CLTCL1: variants seen among roughly 807,000 people sequenced by gnomAD.
The protein encoded by CLTCL1 is clathrin heavy chain like 1.
Under a neutral mutation model 190.0 loss-of-function variants are expected in CLTCL1, and 159 were observed. That is an observed-to-expected ratio of 0.84 (90% CI 0.74 to 0.95). CLTCL1 has a LOEUF of 0.95. Among genes scored for constraint, CLTCL1 ranks in the 40% least tolerant of loss-of-function variants. CLTCL1 has a pLI of 0.00. For synonymous variants in CLTCL1, 752 were observed against 769.6 expected (o/e 0.98, Z 0.38); for missense variants, 1,878 against 2,033.4 (o/e 0.92, Z 1.47).
At chr22:19,213,228 T>C (rs1328977259) in intron 19 of CLTCL1, among the ~76,000 whole-genome samples, 1 of 152,200 alleles carries the variant, frequency 6.6e-6, no homozygotes, top group Non-Finnish European at 1.5e-5. Context: ...AAGTTGTTCA[T>C]CATCATTAGC....
chr22:19,268,242 G>A (rs2087186900), intron 2 of CLTCL1, among the ~76,000 whole-genome samples: 1 of 152,188 alleles, frequency 6.6e-6, no homozygotes, highest in Non-Finnish European at 1.5e-5. Flanking sequence ...TGGAAGTGGA[G>A]TGTGAACCCT....
At chr22:19,241,879 A>C (rs1188936207) in intron 4 of CLTCL1, among the ~76,000 whole-genome samples, 3 of 151,348 alleles carry the variant, frequency 2.0e-5, no homozygotes, top group African/African-American at 7.3e-5. Context: ...AATGGCAAGG[A>C]TGGCACCACA....
chr22:19,198,588 A>G lies in CLTCL1; in HGVS notation c.3873+1146T>C, dbSNP rs1555937212. On this transcript the variant is annotated intron_variant, in intron 24 of 32. Transcript: ENST00000427926. This position sits in a 1 kb window ranked among gnomAD's most constrained non-coding sequence, Gnocchi z 4.1. ...ACTGACCCTTCCCTCAAATGTTCCC[A>G]TGACCAAATCCTTCCATTTCTTCAG... Among the ~76,000 whole-genome samples the G allele has an allele frequency of 6.6e-6, 1 of 152,112 alleles. No individual in the cohort carries two copies. Among genetic ancestry groups the G allele is most frequent in the East Asian group, 1.9e-4 (1 of 5,206 alleles).
chr22:19,185,353 G>T (rs568047136), intron 29 of CLTCL1, among the ~76,000 whole-genome samples: 1 of 147,700 alleles, frequency 6.8e-6, no homozygotes, highest in East Asian at 2.0e-4. Flanking sequence ...TTGAGACGGA[G>T]TCTCGCTCTG....
Position 19,196,288 on chromosome 22 carries a change from T to C in CLTCL1, c.4169A>G (p.Gln1390Arg). Residue 1390 changes from glutamine (Q) to arginine (R), a missense_variant, in exon 26 of 33, where the codon CAG becomes CGG. By Grantham distance (43) the Gln-to-Arg change is conservative (BLOSUM62 1). Coordinates refer to ENST00000427926, the MANE Select transcript of CLTCL1 (RefSeq NM_007098.4). ...TACCTTGGTAATGATGTCCTTGAAC[T>C]GACCCTCCTTCCAGGCCTCAGTGGG... is the stretch of plus-strand genomic sequence containing the variant. ...SHPTEAWKEG[Q>R]FKDIITKVAN... 1 of 1,613,718 alleles carries C rather than the reference T, an allele frequency of 6.2e-7. No homozygotes were observed. The highest frequency in any genetic ancestry group is 8.5e-7 in the Non-Finnish European group (1 of 1,179,854).
chr22:19,237,664 G>A (rs1328985522), intron 5 of CLTCL1, among the ~76,000 whole-genome samples: 2 of 152,184 alleles, frequency 1.3e-5, no homozygotes, highest in African/African-American at 4.8e-5. Flanking sequence ...TAAATGAGTT[G>A]TAGCAAATCC....
intron 13 of CLTCL1, 141 bp downstream of exon 13, chr22:19,225,312 C>T (rs1052154066): frequency 1.3e-5 from 10 of 793,470 alleles, no homozygotes; most frequent in South Asian, 4.0e-5. Context: ...ATTCTGCCAC[C>T]GACTGAGCAC....
At chr22:19,234,074 T>C (rs538950857) in intron 7 of CLTCL1, among the ~76,000 whole-genome samples, 1 of 152,246 alleles carries the variant, frequency 6.6e-6, no homozygotes, top group East Asian at 1.9e-4. Flanking sequence ...TTTATCCAAA[T>C]GAAATAAACC....
chr22:19,239,462 C>G, intron 4 of CLTCL1, 74 bp from the exon 5 acceptor site: 1 of 1,032,896 alleles, frequency 9.7e-7, no homozygotes, highest in Non-Finnish European at 1.5e-6. Flanking sequence ...GGCACAGAGG[C>G]AAGTGGAGCC....
rs782104259 is a variant in CLTCL1, at chr22:19,196,300, C to CAGG, written c.4154_4156dup (p.Ala1385_Trp1386insSer). 1.5e-5 allele frequency: 24 copies of CAGG among 1,613,782 alleles called. No homozygotes were observed. Among genetic ancestry groups the CAGG allele is most frequent in the Middle Eastern group, 1.6e-4 (1 of 6,082 alleles). Reference sequence around the variant, plus strand: ...GATGTCCTTGAACTGACCCTCCTTCCAGGCCTCAGTGGGGTGGCTCATCAT... The same window carrying CAGG: ...GATGTCCTTGAACTGACCCTCCTTCCAGGAGGCCTCAGTGGGGTGGCTCATCAT... On this transcript the variant is annotated inframe_insertion, in exon 26 of 33. Coordinates refer to ENST00000427926, the MANE Select transcript of CLTCL1 (RefSeq NM_007098.4).
intron 20 of CLTCL1, 27 bp from the exon 21 acceptor site, chr22:19,209,141 C>T: frequency 6.4e-7 from 1 of 1,551,902 alleles, no homozygotes; most frequent in Non-Finnish European, 8.7e-7. Context: ...GACTTCCATT[C>T]TCTGCAACAT....
Position 19,225,438 on chromosome 22 carries a change from G to A in CLTCL1, c.2128+15C>T, listed in dbSNP as rs1555955221. 1 of 1,558,324 alleles carries A rather than the reference G, an allele frequency of 6.4e-7. No individual in the cohort carries two copies. On this transcript the variant is annotated intron_variant, in intron 13 of 32. Transcript: ENST00000427926. ...TAGTCACATGGTGGGGTCGGCGAGA[G>A]GCTGCATGGTTTACCTTTGTAACTC...
intron 3 of CLTCL1, chr22:19,249,979 C>G: frequency 2.8e-6 from 1 of 359,812 alleles, no homozygotes. Flanking sequence ...ATGGGCCGGG[C>G]GCGGTGGCTC....
intron 13 of CLTCL1, 25 bp from the exon 14 acceptor site, chr22:19,224,079 T>C: frequency 8.1e-6 from 13 of 1,613,098 alleles, no homozygotes; most frequent in South Asian, 1.1e-5. Context: ...CATTCCATTT[T>C]TGTCCTTGTA....
chr22:19,222,911 G>A (rs1220864842), intron 14 of CLTCL1, 102 bp from the exon 15 acceptor site: 1 of 1,396,744 alleles, frequency 7.2e-7, no homozygotes, highest in African/African-American at 1.4e-5. Context: ...CTGCAGCAGA[G>A]TGACACACAG....
chr22:19,245,338 C>T (rs946209134), intron 3 of CLTCL1, among the ~76,000 whole-genome samples: 14 of 151,796 alleles, frequency 9.2e-5, no homozygotes, highest in Admixed American at 3.3e-4. Context: ...GGACCACAGG[C>T]GCGTGCAAGC....
At chr22:19,211,801 C>A (rs1555946956) in intron 19 of CLTCL1, among the ~76,000 whole-genome samples, 1 of 144,958 alleles carries the variant, frequency 6.9e-6, no homozygotes, top group South Asian at 2.2e-4. Context: ...AAAACTGTCC[C>A]AATTTGCAGC....
At chr22:19,216,348 T>C in intron 18 of CLTCL1, 92 bp from the exon 19 acceptor site, 6 of 1,225,062 alleles carry the variant, frequency 4.9e-6, no homozygotes, top group Non-Finnish European at 2.3e-6. Context: ...TCCTCCAAGA[T>C]GGTCTGGAAT....
intron 2 of CLTCL1, chr22:19,257,412 T>C (rs1320011763): frequency 2.2e-5 from 4 of 180,982 alleles, no homozygotes; most frequent in African/African-American, 9.6e-5. Context: ...ACCCTTACCT[T>C]ATACCATATA....
Sources: gnomAD v4.1 joint callset for allele counts (sites outside exome capture counted in the v4.1 genomes callset) on GRCh38, gnomAD v4.1.1 for gene constraint, Gnocchi (gnomAD v3.1) non-coding constraint, MANE v1.5 for transcripts, NCBI Gene and HGNC (gene_info 2026-07-23, HGNC 2026-07-21) for gene names.